Variants in FMN1 observed in about 807,000 individuals in gnomAD.
The protein encoded by FMN1 is formin 1.
In FMN1, 110 loss-of-function variants were observed where a neutral mutation model predicts 132.4. The ratio of observed to expected loss-of-function variants is 0.83; its 90% CI spans 0.71 to 0.97. FMN1 has a LOEUF of 0.97. Among genes scored for constraint, FMN1 ranks in the 50% least tolerant of loss-of-function variants. The pLI, the probability that FMN1 is intolerant of heterozygous loss-of-function variation, is 0.00. For synonymous variants in FMN1, 722 were observed against 651.7 expected (o/e 1.11, Z -1.64); for missense variants, 1,792 against 1,705.3 (o/e 1.05, Z -0.90).
At chr15:33,076,104 T>TG (rs1330141845) in intron 5 of FMN1, among the ~76,000 whole-genome samples, 1 of 152,052 alleles carries the variant, frequency 6.6e-6, no homozygotes, top group African/African-American at 2.4e-5. Context: ...CTTCTGAAGC[T>TG]GGGGGGCAGG....
At chr15:32,979,042 C>T (rs2032432343) in intron 7 of FMN1, among the ~76,000 whole-genome samples, 1 of 152,038 alleles carries the variant, frequency 6.6e-6, no homozygotes, top group African/African-American at 2.4e-5. Flanking sequence ...AAAAATAGTT[C>T]CCGCAACTTT....
intron 9 of FMN1, among the ~76,000 whole-genome samples, chr15:32,957,919 T>A (rs1019910205): frequency 2.6e-5 from 4 of 152,180 alleles, no homozygotes; most frequent in Non-Finnish European, 5.9e-5. Context: ...GGTTCTTAAT[T>A]TGGTTACTGC....
intron 9 of FMN1, among the ~76,000 whole-genome samples, chr15:32,954,749 T>C (rs1489892227): frequency 6.6e-6 from 1 of 151,480 alleles, no homozygotes; most frequent in African/African-American, 2.4e-5. Context: ...CTCACGCCTG[T>C]AATCCCAGCA....
At position 32,806,707 on chromosome 15, in the gene FMN1, G is replaced by A. The variant is rs117964898; in HGVS notation, c.3929-2375C>T. 4.6e-3 allele frequency among the ~76,000 whole-genome samples: 697 copies of A among 152,292 alleles called. 32 individuals carry two copies. In the East Asian group the frequency reaches 0.11, roughly 23 times the overall value. On this transcript the variant is annotated intron_variant, in intron 17 of 20. Coordinates refer to ENST00000616417, the MANE Select transcript of FMN1 (RefSeq NM_001277313.2). Reference sequence around the variant, plus strand: ...TGCCTCTGGCTTGAGCGCACTGAGCGTGCACATTGGAGGATCTTTGCACTT... The same window carrying A: ...TGCCTCTGGCTTGAGCGCACTGAGCATGCACATTGGAGGATCTTTGCACTT...
At chr15:32,804,376 C>T (rs2057586345) in intron 17 of FMN1, 44 bp from the exon 18 acceptor site, 1 of 1,176,682 alleles carries the variant, frequency 8.5e-7, no homozygotes, top group African/African-American at 1.7e-5. Flanking sequence ...CTTCTGTTGT[C>T]TCCTTTGCGT....
chr15:32,975,955 C>G (rs1437782193), intron 7 of FMN1, among the ~76,000 whole-genome samples: 1 of 152,110 alleles, frequency 6.6e-6, no homozygotes, highest in African/African-American at 2.4e-5. Flanking sequence ...ACCCAAGCAA[C>G]AGAGGAGACT....
Position 32,772,057 on chromosome 15 carries a change from C to T in FMN1, c.*2253G>A, listed in dbSNP as rs2056264319. ...AACCACTAGGTTTCCCCAACCGAGG[C>T]AGGCAAACCTTGCTTTGTAGAAATA... On this transcript the variant is annotated 3_prime_UTR_variant, in exon 21 of 21. Coordinates refer to ENST00000616417, the MANE Select transcript of FMN1 (RefSeq NM_001277313.2). The T allele has an allele frequency of 6.6e-6, 1 of 152,184 alleles. No homozygotes were observed. Among genetic ancestry groups the T allele is most frequent in the Non-Finnish European group, 1.5e-5 (1 of 68,028 alleles). The allele number at this position is 152,184 out of a possible 1,614,324, so 9.4% of individuals were successfully genotyped here. A position where few individuals can be genotyped will look rare whatever the true frequency, so the allele number is the denominator to read the frequency against.
At chr15:33,032,884 A>T (rs1391495033) in intron 6 of FMN1, among the ~76,000 whole-genome samples, 1 of 152,136 alleles carries the variant, frequency 6.6e-6, no homozygotes, top group Admixed American at 6.5e-5. Flanking sequence ...TCATCTATAT[A>T]TGGGAATAAT....
At chr15:33,043,158 C>CTTT (rs1286980071) in intron 6 of FMN1, among the ~76,000 whole-genome samples, 3 of 152,128 alleles carry the variant, frequency 2.0e-5, no homozygotes, top group Non-Finnish European at 2.9e-5. Context: ...TTTTGAGAAG[C>CTTT]TGAGCAGCGA....
At chr15:33,127,836 TTC>T (rs1963246522) in intron 4 of FMN1, among the ~76,000 whole-genome samples, 2 of 152,266 alleles carry the variant, frequency 1.3e-5, no homozygotes, top group Non-Finnish European at 2.9e-5. Flanking sequence ...CCCTGAAAAA[TTC>T]TGTTGGTAAG....
At chr15:33,119,826 C>A (rs1962381691) in intron 4 of FMN1, among the ~76,000 whole-genome samples, 1 of 152,166 alleles carries the variant, frequency 6.6e-6, no homozygotes, top group Non-Finnish European at 1.5e-5. Context: ...TCTTTGCTCT[C>A]ATAAAATGAC....
Position 32,781,505 on chromosome 15 carries a change from C to T in FMN1, c.4131-4586G>A, listed in dbSNP as rs138851646. On this transcript the variant is annotated intron_variant, in intron 19 of 20. Transcript: ENST00000616417. ...GCCATCTGAAAAATGCATCAACGACCGGGCTATGCTATGTTCTGATAGATT... is the reference window on the plus strand; with the variant it reads ...GCCATCTGAAAAATGCATCAACGACTGGGCTATGCTATGTTCTGATAGATT... 1.3e-3 allele frequency among the ~76,000 whole-genome samples: 191 copies of T among 152,238 alleles called. 1 individual carries two copies. The highest frequency in any genetic ancestry group is 3.9e-3 in the East Asian group (20 of 5,184).
At chr15:32,893,786 C>T (rs2060088578) in intron 15 of FMN1, among the ~76,000 whole-genome samples, 1 of 152,230 alleles carries the variant, frequency 6.6e-6, no homozygotes, top group African/African-American at 2.4e-5. Context: ...GTAAGATTTT[C>T]CTCTGTGAAG....
intron 4 of FMN1, among the ~76,000 whole-genome samples, chr15:33,141,604 T>C (rs1964012686): frequency 6.6e-6 from 1 of 152,132 alleles, no homozygotes; most frequent in Admixed American, 6.5e-5. Context: ...CAGGTGATAA[T>C]GTAGGGAGCA....
chr15:33,098,141 C>A (rs1332545812), intron 4 of FMN1, among the ~76,000 whole-genome samples: 1 of 152,126 alleles, frequency 6.6e-6, no homozygotes, highest in Non-Finnish European at 1.5e-5. Context: ...CCATACACTT[C>A]AAAATAACTC....
chr15:33,093,091 G>A (rs899047755), intron 4 of FMN1, among the ~76,000 whole-genome samples: 4 of 152,208 alleles, frequency 2.6e-5, no homozygotes, highest in Non-Finnish European at 4.4e-5. Flanking sequence ...AAGTCCCTAA[G>A]GGACAAAATT....
chr15:33,045,750 T>C (rs1427808212), intron 6 of FMN1, among the ~76,000 whole-genome samples: 2 of 152,156 alleles, frequency 1.3e-5, no homozygotes, highest in Non-Finnish European at 2.9e-5. Context: ...GGTTGAAAAG[T>C]TTGGCTTTTG....
chr15:33,010,531 A>C (rs1023333483), intron 6 of FMN1, among the ~76,000 whole-genome samples: 1 of 152,206 alleles, frequency 6.6e-6, no homozygotes, highest in Non-Finnish European at 1.5e-5. Flanking sequence ...TCAGCATAAC[A>C]CAACAATACC....
intron 5 of FMN1, among the ~76,000 whole-genome samples, chr15:33,087,212 G>A (rs1052527108): frequency 3.3e-5 from 5 of 152,164 alleles, no homozygotes; most frequent in African/African-American, 1.2e-4. Flanking sequence ...TTCTAAGGAG[G>A]AGTCAATACT....
Sources: gnomAD v4.1 joint callset for allele counts (sites outside exome capture counted in the v4.1 genomes callset) on GRCh38, gnomAD v4.1.1 for gene constraint, MANE v1.5 for transcripts, NCBI Gene and HGNC (gene_info 2026-07-23, HGNC 2026-07-21) for gene names.